The following NFKBID variants were observed in gnomAD, a reference collection of about 807,000 sequenced individuals.
The protein encoded by NFKBID is NFKB inhibitor delta, also known as NF-kappa-B inhibitor delta.
A neutral mutation model predicts 53.4 loss-of-function variants in NFKBID; 26 were observed. That is an observed-to-expected ratio of 0.49 (90% CI 0.36 to 0.68). The LOEUF is 0.68. Among genes scored for constraint, NFKBID ranks in the 30% least tolerant of loss-of-function variants. NFKBID has a pLI of 0.00. For synonymous variants in NFKBID, 262 were observed against 259.8 expected (o/e 1.01, Z -0.08); for missense variants, 493 against 614.1 (o/e 0.80, Z 2.08).
chr19:35,896,583 C>T lies in NFKBID; in HGVS notation c.685-45G>A, dbSNP rs761631582. The T allele has an allele frequency of 5.6e-6, 9 of 1,606,158 alleles. No homozygotes were observed. Among genetic ancestry groups the T allele is most frequent in the Admixed American group, 3.4e-5 (2 of 59,680 alleles). On this transcript the variant is annotated intron_variant, in intron 6 of 11. Transcript: ENST00000641389. The surrounding 1 kb of genome is among the most constrained non-coding windows in gnomAD (Gnocchi z 5.7). Reference sequence around the variant, plus strand: ...TCAGGTTGGGCTCCTGGTTCCCTCCCGTCAGAAAACCAGGCTCCCAGCCCC... The same window carrying T: ...TCAGGTTGGGCTCCTGGTTCCCTCCTGTCAGAAAACCAGGCTCCCAGCCCC...
chr19:35,899,100 C>T lies in NFKBID; in HGVS notation c.62-278G>A, dbSNP rs540532512. Reference sequence around the variant, plus strand: ...GAAGGGGGAGGAGGGCACCCCTCTGCAGCAACCACCCCACTTCCGTAAAAA... The same window carrying T: ...GAAGGGGGAGGAGGGCACCCCTCTGTAGCAACCACCCCACTTCCGTAAAAA... On this transcript the variant is annotated intron_variant, in intron 1 of 11. Coordinates refer to ENST00000641389, the Ensembl canonical transcript of NFKBID. Among the ~76,000 whole-genome samples the T allele has an allele frequency of 3.3e-5, 5 of 152,320 alleles. No homozygotes were observed. In the South Asian group the frequency reaches 1.0e-3, roughly 32 times the overall value.
At chr19:35,898,753 C>T (rs1364985472) in exon 2 of NFKBID, 1 of 1,535,942 alleles carries the variant, frequency 6.5e-7, no homozygotes, top group Non-Finnish European at 8.7e-7. Context: ...CTGCTGCTGG[C>T]GGCGCCTCTG....
At chr19:35,898,784 C>T in exon 2 of NFKBID, 2 of 1,536,112 alleles carry the variant, frequency 1.3e-6, no homozygotes, top group Non-Finnish European at 1.7e-6. Flanking sequence ...AGCTTCTTCA[C>T]GGTTTGCGTT....
At chr19:35,890,294 C>T in intron 10 of NFKBID, 80 bp downstream of exon 10, 1 of 1,045,226 alleles carries the variant, frequency 9.6e-7, no homozygotes, top group Non-Finnish European at 1.5e-6. Context: ...TCCACGTCCA[C>T]AGCCCCCAGG....
exon 12 of NFKBID, chr19:35,888,469 C>T (rs1974533118): frequency 2.2e-6 from 2 of 929,100 alleles, no homozygotes; most frequent in East Asian, 2.6e-5. Flanking sequence ...ATTCCACATA[C>T]ATTATCATGG....
Position 35,896,485 on chromosome 19 carries a change from C to T in NFKBID, c.738G>A (p.Leu246=). ...CATTGGGCTCTGCTCCCAGGTTCAA[C>T]AGATCCTCCACAATCAGGGGCTGGT... Residue 246 remains leucine, a synonymous_variant, in exon 7 of 12, where the codon CTG becomes CTA. Transcript: ENST00000641389. The surrounding 1 kb of genome is among the most constrained non-coding windows in gnomAD (Gnocchi z 5.7). The T allele has an allele frequency of 6.2e-7, 1 of 1,614,194 alleles. No homozygotes were observed. The highest frequency in any genetic ancestry group is 2.2e-5 in the East Asian group (1 of 44,880).
chr19:35,900,374 G>C, intron 1 of NFKBID, 68 bp downstream of exon 1: 2 of 1,143,488 alleles, frequency 1.7e-6, no homozygotes, highest in Non-Finnish European at 2.2e-6. Context: ...TCAGGGCCTC[G>C]GGAGTCTTTC....
intron 9 of NFKBID, among the ~76,000 whole-genome samples, chr19:35,893,926 T>C (rs1974957052): frequency 6.6e-6 from 1 of 152,044 alleles, no homozygotes; most frequent in South Asian, 2.1e-4. Context: ...CACTATTTTC[T>C]ATATTTTATT....
In NFKBID at chr19:35,897,702, G is replaced by A. The variant is rs374700824; in HGVS notation, c.381C>T (p.Phe127=). 6 of 1,611,978 alleles carry A rather than the reference G, an allele frequency of 3.7e-6. No individual in the cohort carries two copies. The African/African-American group carries it at 8.0e-5, about 22-fold the overall frequency. ...GCTGCCCTGGGTCCGAGGGTGGGTA[G>A]AAGTCAGGAGGCAGGAAATTTTCGG... The change falls in exon 4 of 12, where the codon TTC becomes TTT. Residue 127 remains phenylalanine, a synonymous_variant. Coordinates refer to ENST00000641389, the Ensembl canonical transcript of NFKBID.
At chr19:35,900,473 C>G (rs1157028651) in exon 1 of NFKBID, 3 of 1,231,802 alleles carry the variant, frequency 2.4e-6, no homozygotes, top group African/African-American at 1.6e-5. Context: ...ATTGCGGGCC[C>G]CCAGGGCCGC....
At chr19:35,890,320 C>G in intron 10 of NFKBID, 54 bp downstream of exon 10, 1 of 1,261,576 alleles carries the variant, frequency 7.9e-7, no homozygotes, top group Non-Finnish European at 1.2e-6. Flanking sequence ...TAACATCCCA[C>G]TGCCCCCCCT....
intron 10 of NFKBID, 131 bp downstream of exon 10, chr19:35,890,243 G>A (rs1788528714): frequency 1.2e-6 from 1 of 850,420 alleles, no homozygotes; most frequent in East Asian, 2.6e-5. Context: ...ATCTGTGTCT[G>A]CTTCCTATAC....
intron 3 of NFKBID, 122 bp downstream of exon 3, chr19:35,898,350 G>GA (rs575018690): frequency 0.19 from 104,470 of 551,116 alleles, 3 homozygotes; most frequent in South Asian, 0.23. Context: ...TCCTGTCTCA[G>GA]AAAAAAAAAA....
exon 12 of NFKBID, chr19:35,888,471 T>G: frequency 2.1e-6 from 2 of 934,934 alleles, no homozygotes; most frequent in Non-Finnish European, 3.4e-6. Flanking sequence ...TCCACATACA[T>G]TATCATGGGT....
At chr19:35,898,612 A>G (rs1975356901) in intron 2 of NFKBID, 80 bp from the exon 3 acceptor site, 1 of 1,420,370 alleles carries the variant, frequency 7.0e-7, no homozygotes, top group Non-Finnish European at 9.5e-7. Context: ...TCTATAAGAC[A>G]TTTCGGTCAG....
At chr19:35,898,785 G>A in exon 2 of NFKBID, 2 of 1,536,096 alleles carry the variant, frequency 1.3e-6, no homozygotes, top group East Asian at 2.4e-5. Flanking sequence ...GCTTCTTCAC[G>A]GTTTGCGTTG....
At chr19:35,889,122 G>A (rs1175670479) in intron 11 of NFKBID, among the ~76,000 whole-genome samples, 2 of 151,684 alleles carry the variant, frequency 1.3e-5, no homozygotes, top group African/African-American at 2.4e-5. Context: ...AGGCCAAGGC[G>A]GGAGGATCAA....
At chr19:35,892,728 T>C (rs1285395831) in intron 9 of NFKBID, among the ~76,000 whole-genome samples, 2 of 152,206 alleles carry the variant, frequency 1.3e-5, no homozygotes, top group Non-Finnish European at 2.9e-5. Flanking sequence ...ATCTTTTTAT[T>C]GTCTAAGAGC....
Position 35,896,031 on chromosome 19 carries a change from C to T in NFKBID, c.981G>A (p.Arg327=), listed in dbSNP as rs367617149. ...GCAGCAACATGTGGACACAATCCAG[C>T]CTGTCTCGGGCCTGTGTGCTCAGCA... is the stretch of plus-strand genomic sequence containing the variant. Residue 327 remains arginine, a synonymous_variant, in exon 9 of 12, where the codon AGG becomes AGA. Coordinates refer to ENST00000641389, the Ensembl canonical transcript of NFKBID. The surrounding 1 kb of genome is among the most constrained non-coding windows in gnomAD (Gnocchi z 5.7). The T allele has an allele frequency of 1.9e-6, 3 of 1,614,092 alleles. No individual in the cohort carries two copies. The Admixed American group carries it at 5.0e-5, about 27-fold the overall frequency.
Sources: gnomAD v4.1 joint callset for allele counts (sites outside exome capture counted in the v4.1 genomes callset) on GRCh38, gnomAD v4.1.1 for gene constraint, Gnocchi (gnomAD v3.1) non-coding constraint, MANE v1.5 for transcripts, NCBI Gene and HGNC (gene_info 2026-07-23, HGNC 2026-07-21) for gene names.